The following FBXL13 variants were observed in gnomAD, a reference collection of about 807,000 sequenced individuals.
FBXL13 encodes F-box and leucine-rich repeat protein 13.
A neutral mutation model predicts 83.6 loss-of-function variants in FBXL13; 67 were observed. The ratio of observed to expected loss-of-function variants is 0.80; its 90% CI spans 0.66 to 0.98. The LOEUF (loss-of-function observed/expected upper bound fraction) is 0.98, where lower values mean the gene tolerates loss of function less well. Ranked by LOEUF, FBXL13 falls within the 50% of genes least tolerant of loss-of-function variation. The pLI, the probability that FBXL13 is intolerant of heterozygous loss-of-function variation, is 0.00. For synonymous variants in FBXL13, 272 were observed against 299.5 expected (o/e 0.91, Z 0.95); for missense variants, 822 against 866.5 (o/e 0.95, Z 0.64).
intron 10 of FBXL13, among the ~76,000 whole-genome samples, chr7:102,924,829 G>C (rs1445973907): frequency 6.6e-6 from 1 of 151,804 alleles, no homozygotes; most frequent in Non-Finnish European, 1.5e-5. Context: ...TTTTAGTAGA[G>C]ACGGGGTTTC....
intron 17 of FBXL13, among the ~76,000 whole-genome samples, chr7:102,849,318 G>A (rs1804753602): frequency 6.6e-6 from 1 of 152,160 alleles, no homozygotes; most frequent in Non-Finnish European, 1.5e-5. Context: ...AGTAATTAAA[G>A]CCAGATCCTA....
At position 102,913,080 on chromosome 7, in the gene FBXL13, A is replaced by G. The variant is rs41275230; in HGVS notation, c.1008+6T>C. 1.4e-5 allele frequency: 23 copies of G among 1,614,036 alleles called. No individual in the cohort carries two copies. Among genetic ancestry groups the G allele is most frequent in the Non-Finnish European group, 1.9e-5 (23 of 1,180,020 alleles). On this transcript the variant is annotated splice_donor_region_variant and intron_variant, in intron 11 of 19. Transcript: ENST00000313221. ...ACCGCAGCAAAGAGAAGACTGAAAG[A>G]CAAACCTGGGTGCAGCCAGAGAGGT... is the stretch of plus-strand genomic sequence containing the variant.
chr7:103,024,178 A>AGAGAGAGG (rs1793572682), intron 6 of FBXL13, among the ~76,000 whole-genome samples: 1 of 143,346 alleles, frequency 7.0e-6, no homozygotes. Context: ...AGAGAGAGAG[A>AGAGAGAGG]GAGAGAGAAA....
At chr7:102,850,247 G>C (rs1804973589) in intron 17 of FBXL13, among the ~76,000 whole-genome samples, 1 of 151,878 alleles carries the variant, frequency 6.6e-6, no homozygotes, top group Non-Finnish European at 1.5e-5. Flanking sequence ...AAAATGTCTG[G>C]ACCCCACAGA....
At chr7:103,019,017 TAC>T (rs1792769144) in intron 6 of FBXL13, among the ~76,000 whole-genome samples, 1 of 152,196 alleles carries the variant, frequency 6.6e-6, no homozygotes, top group Non-Finnish European at 1.5e-5. Context: ...CAACAGAATA[TAC>T]ATTCTTCGCA....
At chr7:102,845,526 C>T (rs1433009627) in intron 17 of FBXL13, among the ~76,000 whole-genome samples, 1 of 152,092 alleles carries the variant, frequency 6.6e-6, no homozygotes, top group Non-Finnish European at 1.5e-5. Flanking sequence ...GGCTTGAAAG[C>T]GGGGACACCA....
At chr7:102,949,794 T>C (rs1823129543) in intron 8 of FBXL13, among the ~76,000 whole-genome samples, 3 of 152,188 alleles carry the variant, frequency 2.0e-5, no homozygotes, top group African/African-American at 7.2e-5. Context: ...ATATACATCC[T>C]ATGTATAGTG....
intron 18 of FBXL13, among the ~76,000 whole-genome samples, chr7:102,825,320 G>A (rs1799439682): frequency 6.6e-6 from 1 of 152,188 alleles, no homozygotes; most frequent in African/African-American, 2.4e-5. Context: ...GTTATCATGA[G>A]AGTGGGACTG....
chr7:102,929,913 A>G (rs1026041951), intron 9 of FBXL13, among the ~76,000 whole-genome samples: 8 of 152,254 alleles, frequency 5.3e-5, no homozygotes, highest in Admixed American at 4.6e-4. Context: ...TAAATTTATT[A>G]TATCTCAATA....
intron 17 of FBXL13, among the ~76,000 whole-genome samples, chr7:102,847,956 CATATGT>C (rs1292176049): frequency 4.6e-5 from 7 of 152,132 alleles, no homozygotes; most frequent in African/African-American, 1.7e-4. Flanking sequence ...TACACATTGA[CATATGT>C]ATATGATCTA....
At chr7:102,981,807 C>T (rs1009920979) in intron 6 of FBXL13, among the ~76,000 whole-genome samples, 1 of 152,210 alleles carries the variant, frequency 6.6e-6, no homozygotes, top group Non-Finnish European at 1.5e-5. Context: ...AAGACGTCAC[C>T]TGCAAATACC....
chr7:102,874,429 A>G, intron 16 of FBXL13: 1 of 898,476 alleles, frequency 1.1e-6, no homozygotes, highest in Non-Finnish European at 1.3e-6. Context: ...ATTTTTTTCA[A>G]TCTTTTAGCA....
At position 103,060,084 on chromosome 7, in the gene FBXL13, C is replaced by T. The variant is rs1797764301; in HGVS notation, c.-104-4337G>A. 3.4e-5 allele frequency among the ~76,000 whole-genome samples: 3 copies of T among 88,052 alleles called. No individual in the cohort carries two copies. The South Asian group carries it at 1.1e-3, about 33-fold the overall frequency. The allele number at this position is 88,052 out of a possible 152,430, so 57.8% of individuals were successfully genotyped here. On this transcript the variant is annotated intron_variant, in intron 1 of 19. Coordinates refer to ENST00000313221, the Ensembl canonical transcript of FBXL13. The stretch of plus-strand genomic sequence containing the variant: ...TATATACTTTTTTTTTTTTTTGAGA[C>T]AAGGTCTTGCTCTGTAACCCAGGCT...
intron 6 of FBXL13, among the ~76,000 whole-genome samples, chr7:102,974,264 C>G (rs1827163205): frequency 2.0e-5 from 3 of 152,144 alleles, no homozygotes. Context: ...GTGGCAGGCA[C>G]CTGTAGTCCC....
chr7:102,907,110 T>C (rs1813880550), intron 11 of FBXL13, among the ~76,000 whole-genome samples: 2 of 152,142 alleles, frequency 1.3e-5, no homozygotes. Context: ...GTAGCTGGGA[T>C]TACAGGCACC....
chr7:103,014,720 G>A (rs1261477687), intron 6 of FBXL13, among the ~76,000 whole-genome samples: 1 of 151,780 alleles, frequency 6.6e-6, no homozygotes, highest in African/African-American at 2.4e-5. Context: ...TCAGGAGATC[G>A]AGACCATCCT....
chr7:102,900,194 TATAA>T (rs1297926332), intron 11 of FBXL13, among the ~76,000 whole-genome samples: 1 of 152,228 alleles, frequency 6.6e-6, no homozygotes, highest in Non-Finnish European at 1.5e-5. Context: ...CATAATATCA[TATAA>T]ATACATTTTT....
chr7:103,066,338 C>T (rs2129503150), intron 1 of FBXL13, among the ~76,000 whole-genome samples: 1 of 152,104 alleles, frequency 6.6e-6, no homozygotes, highest in East Asian at 1.9e-4. Flanking sequence ...CCAAACAGGT[C>T]TTTCACATCT....
At chr7:102,893,946 GA>G (rs1163056049) in intron 11 of FBXL13, among the ~76,000 whole-genome samples, 2 of 120,224 alleles carry the variant, frequency 1.7e-5, no homozygotes, top group African/African-American at 8.6e-5. Flanking sequence ...GAAAGAGAAA[GA>G]AAGAAAGAAA....
Sources: allele counts gnomAD v4.1 joint callset (sites outside exome capture counted in the v4.1 genomes callset), GRCh38; gene constraint gnomAD v4.1.1; transcripts MANE v1.5; gene names NCBI Gene and HGNC (gene_info 2026-07-23, HGNC 2026-07-21).